The following CD99 variants were observed in gnomAD, a reference collection of about 807,000 sequenced individuals.
The protein encoded by CD99 is CD99 antigen.
A neutral mutation model predicts 28.4 loss-of-function variants in CD99; 19 were observed. That is an observed-to-expected ratio of 0.67 (90% CI 0.47 to 0.98). The LOEUF is 0.98. CD99 is among the 50% of genes least tolerant of loss of function. The probability of loss-of-function intolerance (pLI) is 0.00; values close to 1 mark genes in which losing one functional copy is unlikely to be tolerated. For synonymous variants in CD99, 103 were observed against 92.1 expected, an observed-to-expected ratio of 1.12 and a Z score of -0.67; for missense variants, 283 against 248.8, an observed-to-expected ratio of 1.14 and a Z score of -0.92.
At chrX:2,723,847 C>T (rs757451573) in intron 7 of CD99, among the ~76,000 whole-genome samples, 1 of 152,188 alleles carries the variant, frequency 6.6e-6, no homozygotes, top group Non-Finnish European at 1.5e-5. Flanking sequence ...TTTTCATAAC[C>T]TTTTCCCTTA....
In CD99 at chrX:2,723,312, A is replaced by G. The variant is rs769113165; in HGVS notation, c.311-2A>G. ...ATTGCAGACGTTGTTTTTGTCTTGC[A>G]GGAAAAGGAGGCAGTGATGGTGGAG... On this transcript the variant is annotated splice_acceptor_variant, in intron 6 of 9. Transcript: ENST00000381192. LOFTEE classifies it high-confidence loss of function. The G allele has an allele frequency of 1.9e-6, 3 of 1,613,888 alleles. No individual in the cohort carries two copies. The highest frequency in any genetic ancestry group is 2.2e-5 in the East Asian group (1 of 44,870).
chrX:2,723,466 T>A, intron 7 of CD99, 102 bp downstream of exon 7: 1 of 1,345,338 alleles, frequency 7.4e-7, no homozygotes, highest in Non-Finnish European at 1.1e-6. Context: ...ATTGGCCTCC[T>A]AAAGCTACTG....
chrX:2,723,305 G>A lies in CD99; in HGVS notation c.311-9G>A. On this transcript the variant is annotated splice_polypyrimidine_tract_variant and intron_variant, in intron 6 of 9. Coordinates refer to ENST00000381192, the MANE Select transcript of CD99 (RefSeq NM_002414.5). ...CCTTCCCATTGCAGACGTTGTTTTTGTCTTGCAGGAAAAGGAGGCAGTGAT... is the reference window on the plus strand; with the variant it reads ...CCTTCCCATTGCAGACGTTGTTTTTATCTTGCAGGAAAAGGAGGCAGTGAT... The A allele has an allele frequency of 6.2e-7, 1 of 1,613,894 alleles. No individual in the cohort carries two copies. The highest frequency in any genetic ancestry group is 1.1e-5 in the South Asian group (1 of 91,068).
At chrX:2,713,709 G>A (rs1460953492) in intron 1 of CD99, among the ~76,000 whole-genome samples, 1 of 152,186 alleles carries the variant, frequency 6.6e-6, no homozygotes, top group Non-Finnish European at 1.5e-5. Flanking sequence ...GCTTCCTGAC[G>A]GTTGAGAGAT....
In CD99 at chrX:2,740,782, A is replaced by G; in HGVS notation, c.536A>G (p.Gln179Arg). Residue 179 changes from glutamine to arginine, a missense_variant, in exon 10 of 10, where the codon CAG becomes CGG. Physicochemically the swap from Gln to Arg is conservative, Grantham distance 43. Coordinates refer to ENST00000381192, the MANE Select transcript of CD99 (RefSeq NM_002414.5). Reference protein sequence around the residue: ...HRNANAEPAVQRTLLEK With the variant: ...HRNANAEPAVRRTLLEK The stretch of plus-strand genomic sequence containing the variant: ...CTTTTGTCTCTGTCTCCCACAGTTC[A>G]GCGTACTCTTTTAGAGAAATAGAAG... 6.2e-7 allele frequency: 1 copy of G among 1,613,964 alleles called. No individual in the cohort carries two copies. The highest frequency in any genetic ancestry group is 2.2e-5 in the East Asian group (1 of 44,878).
chrX:2,726,246 G>C lies in CD99; in HGVS notation c.362-14G>C, dbSNP rs376673963. 1.9e-6 allele frequency: 3 copies of C among 1,552,618 alleles called. No individual in the cohort carries two copies. Among genetic ancestry groups the C allele is most frequent in the East Asian group, 4.5e-5 (2 of 44,628 alleles). On this transcript the variant is annotated splice_polypyrimidine_tract_variant and intron_variant, in intron 7 of 9. Transcript: ENST00000381192. Reference sequence around the variant, plus strand: ...GCGTGTCTCAATCACGATGCTGTGTGCTTCCTCCTGCAGCCGACGCCCCAG... The same window carrying C: ...GCGTGTCTCAATCACGATGCTGTGTCCTTCCTCCTGCAGCCGACGCCCCAG...
intron 8 of CD99, chrX:2,733,426 T>C: frequency 6.4e-7 from 1 of 1,554,878 alleles, no homozygotes; most frequent in Non-Finnish European, 8.7e-7. Flanking sequence ...CGTAATCGTT[T>C]TATCTGCTAA....
intron 1 of CD99, among the ~76,000 whole-genome samples, chrX:2,694,486 C>G (rs2047481406): frequency 6.9e-6 from 1 of 144,938 alleles, no homozygotes; most frequent in Non-Finnish European, 1.5e-5. Flanking sequence ...CACGGTGACT[C>G]AGGCCTGTAA....
intron 5 of CD99, among the ~76,000 whole-genome samples, chrX:2,722,174 T>C (rs1425193066): frequency 6.6e-6 from 1 of 152,206 alleles, no homozygotes; most frequent in African/African-American, 2.4e-5. Context: ...TGGATACTTC[T>C]TATTTTGTGT....
intron 1 of CD99, among the ~76,000 whole-genome samples, chrX:2,712,120 C>T (rs2048436980): frequency 6.6e-6 from 1 of 151,946 alleles, no homozygotes; most frequent in Admixed American, 6.6e-5. Flanking sequence ...GTAAGCCGAG[C>T]ACAGAAAGAC....
At position 2,738,010 on chromosome X, in the gene CD99, C is replaced by T. The variant is rs984381698; in HGVS notation, c.476-190C>T. On this transcript the variant is annotated intron_variant, in intron 8 of 9. Coordinates refer to ENST00000381192, the MANE Select transcript of CD99 (RefSeq NM_002414.5). The stretch of plus-strand genomic sequence containing the variant: ...TGCCTGTGCCATGCATGAAAAAATA[C>T]TGGCAAAGTCTTCACTTACATGAGT... 6.9e-6 allele frequency: 5 copies of T among 723,448 alleles called. No individual in the cohort carries two copies. In the African/African-American group the frequency reaches 8.7e-5, roughly 13 times the overall value. 44.8% of individuals were successfully genotyped at this position (723,448 alleles called of 1,614,324 possible).
At chrX:2,729,724 C>T (rs2049491502) in intron 8 of CD99, among the ~76,000 whole-genome samples, 1 of 152,122 alleles carries the variant, frequency 6.6e-6, no homozygotes, top group Non-Finnish European at 1.5e-5. Flanking sequence ...TTTTCCTCTA[C>T]CTTATCCGCC....
rs2049051753 is a variant in CD99 at position 2,722,679 on chromosome X, A to G, written c.310+5A>G. The G allele has an allele frequency of 1.5e-5, 25 of 1,613,842 alleles. No individual in the cohort carries two copies. The highest frequency in any genetic ancestry group is 2.2e-5 in the East Asian group (1 of 44,878). ...ATGGCGTTTCAGGTGGAGAAGGTAC[A>G]GTTATCTTGTTTTCTGTCTCTTTTC... On this transcript the variant is annotated splice_donor_5th_base_variant and intron_variant, in intron 6 of 9. Coordinates refer to ENST00000381192, the MANE Select transcript of CD99 (RefSeq NM_002414.5).
intron 8 of CD99, among the ~76,000 whole-genome samples, chrX:2,736,850 C>CT (rs1280789985): frequency 6.6e-6 from 1 of 151,042 alleles, no homozygotes; most frequent in Non-Finnish European, 1.5e-5. Flanking sequence ...GAGCGAGACT[C>CT]TGTCTCAAAG....
chrX:2,720,529 G>C, intron 5 of CD99, 105 bp downstream of exon 5: 2 of 1,025,494 alleles, frequency 2.0e-6, no homozygotes, highest in Non-Finnish European at 3.1e-6. Context: ...GCTTACTGTT[G>C]ACTGCCTGTG....
Position 2,703,558 on chromosome X carries a change from G to A in CD99, c.68-10864G>A, listed in dbSNP as rs764449570. Among the ~76,000 whole-genome samples, 9 of 151,456 alleles carry A rather than the reference G, an allele frequency of 5.9e-5. No individual in the cohort carries two copies. The East Asian group carries it at 7.8e-4, about 13-fold the overall frequency. On this transcript the variant is annotated intron_variant, in intron 1 of 9. Transcript: ENST00000381192. ...AGTGTTCGCTGAGACTTTATAAAAC[G>A]TAACTGCTTTGAATAACAAAGCTGT...
chrX:2,737,193 A>G (rs1472049644), intron 8 of CD99, among the ~76,000 whole-genome samples: 1 of 152,030 alleles, frequency 6.6e-6, no homozygotes, highest in East Asian at 1.9e-4. Flanking sequence ...TTTAATTTTT[A>G]TTTTGAGACA....
intron 1 of CD99, among the ~76,000 whole-genome samples, chrX:2,695,777 G>A (rs2047546794): frequency 6.6e-6 from 1 of 151,980 alleles, no homozygotes; most frequent in South Asian, 2.1e-4. Flanking sequence ...GGGAATACAG[G>A]CACATGTCAC....
At chrX:2,691,726 C>T (rs866619710) in intron 1 of CD99, 1 of 715,254 alleles carries the variant, frequency 1.4e-6, no homozygotes, top group Non-Finnish European at 2.6e-6. Flanking sequence ...TCTAGGGGAC[C>T]TTCTTACAGA....
Sources: allele counts gnomAD v4.1 joint callset (sites outside exome capture counted in the v4.1 genomes callset), GRCh38; gene constraint gnomAD v4.1.1; transcripts MANE v1.5; gene names NCBI Gene and HGNC (gene_info 2026-07-23, HGNC 2026-07-21).